DOCK6: variants seen among roughly 807,000 people sequenced by gnomAD.
DOCK6 encodes dedicator of cytokinesis 6, also known as dedicator of cytokinesis protein 6.
Under a neutral mutation model 230.3 loss-of-function variants are expected in DOCK6, and 167 were observed. That is an observed-to-expected ratio of 0.73 (90% CI 0.64 to 0.82). The LOEUF (loss-of-function observed/expected upper bound fraction) is 0.82. DOCK6 is among the 40% of genes least tolerant of loss of function. The pLI is 0.00. For synonymous variants in DOCK6, 1,148 were observed against 1,185.0 expected (o/e 0.97, Z 0.64); for missense variants, 2,598 against 2,825.8 (o/e 0.92, Z 1.83).
rs1333687010 is a variant in DOCK6, at chr19:11,243,679, G to A, written c.1136C>T (p.Ala379Val). The change falls in exon 11 of 48, where the codon GCG becomes GTG. Residue 379 changes from alanine (A) to valine (V), a missense_variant. Transcript: ENST00000294618. The surrounding 1 kb of genome is among the most constrained non-coding windows in gnomAD (Gnocchi z 6.3). ...CAGGCGGGTGCAGAACTGCTCGGCC[G>A]CCAGGCGCAGCTTCTCTAGCTTCTC... ...NKEKLEKLRLAAEQFCTRLGR... is the reference protein window; with the variant it reads ...NKEKLEKLRLVAEQFCTRLGR... 1 of 1,613,278 alleles carries A rather than the reference G, an allele frequency of 6.2e-7. No individual in the cohort carries two copies. The highest frequency in any genetic ancestry group is 8.5e-7 in the Non-Finnish European group (1 of 1,179,768).
rs3217390 is a variant in DOCK6, at chr19:11,204,131, C to CTGGGGATGAGGAG, written c.5221-49_5221-37dup. ...GAGAAGGGTCAAGGTCAGCAGATCCCTGGGGATGAGGAGTGGGGATGAGGA... is the reference window on the plus strand; with the variant it reads ...GAGAAGGGTCAAGGTCAGCAGATCCCTGGGGATGAGGAGTGGGGATGAGGAGTGGGGATGAGGA... On this transcript the variant is annotated intron_variant, in intron 40 of 47. Transcript: ENST00000294618. 1.2e-3 allele frequency: 1,808 copies of CTGGGGATGAGGAG among 1,527,502 alleles called. 22 individuals carry two copies. In the African/African-American group the frequency reaches 0.023, roughly 19 times the overall value. The allele number at this position is 1,527,502 out of a possible 1,614,324, so 94.6% of individuals were successfully genotyped here.
chr19:11,252,430 C>T, intron 4 of DOCK6, 52 bp downstream of exon 4: 1 of 1,604,784 alleles, frequency 6.2e-7, no homozygotes, highest in Non-Finnish European at 8.5e-7. Context: ...CAGACATCAG[C>T]TCAGCCCTTT....
rs751371468 is a variant in DOCK6 at position 11,238,245 on chromosome 19, C to T, written c.1703G>A (p.Arg568His). Residue 568 changes from arginine (R) to histidine (H), a missense_variant, in exon 15 of 48, where the codon CGC (arginine) becomes CAC (histidine). Transcript: ENST00000294618. ...GTACTGCACTCGCACAGCAAGGTTGCGCACGGAGCCCTGGCGGCTGCTGAA... is the reference window on the plus strand; with the variant it reads ...GTACTGCACTCGCACAGCAAGGTTGTGCACGGAGCCCTGGCGGCTGCTGAA... ...LNFSSRQGSV[R>H]NLAVRVQYMT... 8.1e-6 allele frequency: 13 copies of T among 1,613,186 alleles called. No homozygotes were observed. Among genetic ancestry groups the T allele is most frequent in the East Asian group, 6.7e-5 (3 of 44,864 alleles).
intron 6 of DOCK6, among the ~76,000 whole-genome samples, chr19:11,249,386 C>G (rs550443817): frequency 6.6e-6 from 1 of 151,936 alleles, no homozygotes; most frequent in Admixed American, 6.6e-5. Context: ...TGGCACGTGC[C>G]TGTAGTCCCA....
intron 16 of DOCK6, 53 bp downstream of exon 16, chr19:11,237,992 A>ATCC: frequency 1.3e-6 from 2 of 1,594,376 alleles, no homozygotes; most frequent in Non-Finnish European, 1.7e-6. Flanking sequence ...TATAAGGGAC[A>ATCC]TCCTCCTACC....
chr19:11,199,406 C>T lies in DOCK6; in HGVS notation c.*91G>A, dbSNP rs142337466. 1.2e-5 allele frequency: 17 copies of T among 1,475,472 alleles called. No homozygotes were observed. The highest frequency in any genetic ancestry group is 7.9e-5 in the Admixed American group (4 of 50,892). 91.4% of individuals were successfully genotyped at this position (1,475,472 alleles called of 1,614,324 possible). A position where few individuals can be genotyped will look rare whatever the true frequency, so the allele number is the denominator to read the frequency against. On this transcript the variant is annotated 3_prime_UTR_variant, in exon 48 of 48. Transcript: ENST00000294618. The stretch of plus-strand genomic sequence containing the variant: ...AAGTACAGTGTGGTCACCCCACAGC[C>T]CAGTGGGCACCAGGGCAGACTCCCC...
intron 35 of DOCK6, 128 bp downstream of exon 35, chr19:11,213,046 TTC>T: frequency 1.6e-6 from 2 of 1,282,948 alleles, no homozygotes; most frequent in Non-Finnish European, 2.1e-6. Context: ...CCCAATTGCA[TTC>T]TGAGCCCTCC....
rs1242558143 is a variant in DOCK6, at chr19:11,262,351, C to T, written c.44+46G>A. On this transcript the variant is annotated intron_variant, in intron 1 of 47. Transcript: ENST00000294618. Reference sequence around the variant, plus strand: ...AGGGTCGCACCGCCCCGGGGCGGAGCCGGGCCACGTGGGGGAGGTGGGAGG... The same window carrying T: ...AGGGTCGCACCGCCCCGGGGCGGAGTCGGGCCACGTGGGGGAGGTGGGAGG... 5 of 1,217,712 alleles carry T rather than the reference C, an allele frequency of 4.1e-6. No homozygotes were observed. In the East Asian group the frequency reaches 1.7e-4, roughly 40 times the overall value. The allele number at this position is 1,217,712 out of a possible 1,614,324, so 75.4% of individuals were successfully genotyped here.
In DOCK6 at chr19:11,243,447, G is replaced by T; in HGVS notation, c.1259-62C>A. 3 of 1,565,160 alleles carry T rather than the reference G, an allele frequency of 1.9e-6. No individual in the cohort carries two copies. Among genetic ancestry groups the T allele is most frequent in the Non-Finnish European group, 8.6e-7 (1 of 1,157,472 alleles). ...AGATGAAACAGGGAGACTCAGGGGCGGCACAGTTCGGCCAGCAGAGGGCGC... is the reference window on the plus strand; with the variant it reads ...AGATGAAACAGGGAGACTCAGGGGCTGCACAGTTCGGCCAGCAGAGGGCGC... On this transcript the variant is annotated intron_variant, in intron 11 of 47. Transcript: ENST00000294618. The surrounding 1 kb of genome is among the most constrained non-coding windows in gnomAD (Gnocchi z 6.3).
chr19:11,250,047 G>A (rs1287154345), intron 6 of DOCK6, among the ~76,000 whole-genome samples: 1 of 149,788 alleles, frequency 6.7e-6, no homozygotes, highest in Non-Finnish European at 1.5e-5. Flanking sequence ...GTCTCGCTCT[G>A]TTGCCCAGGC....
Position 11,213,064 on chromosome 19 carries a change from C to T in DOCK6, c.4491+112G>A, listed in dbSNP as rs575266166. 1.2e-4 allele frequency: 169 copies of T among 1,396,128 alleles called. No individual in the cohort carries two copies. In the African/African-American group the frequency reaches 2.0e-3, roughly 16 times the overall value. The allele number at this position is 1,396,128 out of a possible 1,614,324, so 86.5% of individuals were successfully genotyped here. On this transcript the variant is annotated intron_variant, in intron 35 of 47. Transcript: ENST00000294618. ...AATTGCATTCTGAGCCCTCCTCCTGCTCATTATGCTCAATGACTGTCTCCC... is the reference window on the plus strand; with the variant it reads ...AATTGCATTCTGAGCCCTCCTCCTGTTCATTATGCTCAATGACTGTCTCCC...
In DOCK6 at chr19:11,251,037, C is replaced by T; in HGVS notation, c.557G>A (p.Ser186Asn). ...CAGGTCGAAGATGCTAGAGGCACCA[C>T]TGCTTCGAGGGGTGTCTTCCGGGGA... ...SGSPEDTPRSSGASSIFDLRN... is the reference protein window; with the variant it reads ...SGSPEDTPRSNGASSIFDLRN... The change falls in exon 6 of 48, where the codon AGT becomes AAT. Residue 186 changes from serine (S) to asparagine (N), a missense_variant. Transcript: ENST00000294618. 1 of 1,613,492 alleles carries T rather than the reference C, an allele frequency of 6.2e-7. No homozygotes were observed.
chr19:11,247,684 G>C (rs1330728772), intron 7 of DOCK6: 3 of 171,966 alleles, frequency 1.7e-5, no homozygotes, highest in Non-Finnish European at 3.8e-5. Context: ...AAAGCCTCCC[G>C]GCCAAACCCT....
At chr19:11,241,238 CA>C (rs59955877) in intron 14 of DOCK6, among the ~76,000 whole-genome samples, 6,021 of 120,774 alleles carry the variant, frequency 0.05, 276 homozygotes, top group African/African-American at 0.14. Context: ...GAGAGAGACT[CA>C]AAAAAAAAAA....
At chr19:11,241,636 G>A in intron 14 of DOCK6, 13 of 1,568,898 alleles carry the variant, frequency 8.3e-6, no homozygotes, top group Non-Finnish European at 1.1e-5. Context: ...CCTCACCTGG[G>A]CTGAGCCACA....
rs886684761 is a variant in DOCK6 at position 11,214,346 on chromosome 19, T to C, written c.4267A>G (p.Ser1423Gly). Reference sequence around the variant, plus strand: ...AGGGCACTCTGGGCACTGCCCAGGCTGTACAGCACAACCTTCAGCACTGCC... The same window carrying C: ...AGGGCACTCTGGGCACTGCCCAGGCCGTACAGCACAACCTTCAGCACTGCC... Reference protein sequence around the residue: ...LGAVLKVVLYSLGSAQSALFL... With the variant: ...LGAVLKVVLYGLGSAQSALFL... The change falls in exon 34 of 48, where the codon AGC (serine) becomes GGC (glycine). Residue 1423 changes from serine (S) to glycine (G), a missense_variant. Ser to Gly is a moderately conservative substitution (Grantham distance 56). Coordinates refer to ENST00000294618, the MANE Select transcript of DOCK6 (RefSeq NM_020812.4). The C allele has an allele frequency of 5.0e-6, 8 of 1,613,558 alleles. No homozygotes were observed. In the Admixed American group the frequency reaches 1.2e-4, roughly 24 times the overall value.
Position 11,247,956 on chromosome 19 carries a change from A to G in DOCK6, c.806+110T>C, listed in dbSNP as rs1205089751. On this transcript the variant is annotated intron_variant, in intron 7 of 47. Coordinates refer to ENST00000294618, the MANE Select transcript of DOCK6 (RefSeq NM_020812.4). ...AAAGCCCATACATAGGTGGCCACAT[A>G]GGTGACAGGGCCGCACACGGTAATG... The G allele has an allele frequency of 2.8e-5, 26 of 917,866 alleles. No individual in the cohort carries two copies. In the Admixed American group the frequency reaches 4.5e-4, roughly 16 times the overall value. The allele number at this position is 917,866 out of a possible 1,614,324, so 56.9% of individuals were successfully genotyped here.
At position 11,252,802 on chromosome 19, in the gene DOCK6, G is replaced by A. The variant is rs751343466; in HGVS notation, c.289C>T (p.Pro97Ser). ...LQPRECRTTE[P>S]GIPKDEKLDA... ...ACCCACTCATCCTTGGGGATCCCGG[G>A]CTCCGTGGTCCGGCATTCCCGGGGC... Residue 97 changes from proline to serine, a missense_variant, in exon 3 of 48, where the codon CCC (proline) becomes TCC (serine). Physicochemically the swap from Pro to Ser is moderately conservative, Grantham distance 74 (BLOSUM62 -1). Transcript: ENST00000294618. 6.2e-7 allele frequency: 1 copy of A among 1,611,914 alleles called. No homozygotes were observed. Among genetic ancestry groups the A allele is most frequent in the Non-Finnish European group, 8.5e-7 (1 of 1,178,728 alleles).
intron 24 of DOCK6, 67 bp downstream of exon 24, chr19:11,227,270 C>A: frequency 3.2e-6 from 5 of 1,583,348 alleles, no homozygotes; most frequent in South Asian, 1.1e-5. Flanking sequence ...AGGATTGGCG[C>A]CCCCACCTGG....
Sources: allele counts gnomAD v4.1 joint callset (sites outside exome capture counted in the v4.1 genomes callset), GRCh38; gene constraint gnomAD v4.1.1; non-coding constraint Gnocchi (gnomAD v3.1); transcripts MANE v1.5; gene names NCBI Gene and HGNC (gene_info 2026-07-23, HGNC 2026-07-21).